TFIP11: variants seen among roughly 807,000 people sequenced by gnomAD.
TFIP11 encodes tuftelin-interacting protein 11.
A neutral mutation model predicts 96.8 loss-of-function variants in TFIP11; 86 were observed. That is an observed-to-expected ratio of 0.89 (90% CI 0.75 to 1.06). TFIP11 has a LOEUF of 1.06. Ranked by LOEUF, TFIP11 falls within the 50% of genes least tolerant of loss-of-function variation. The pLI, the probability that TFIP11 is intolerant of heterozygous loss-of-function variation, is 0.00. For synonymous variants in TFIP11, 405 were observed against 395.2 expected, an observed-to-expected ratio of 1.02 and a Z score of -0.29; for missense variants, 881 against 1,076.7, an observed-to-expected ratio of 0.82 and a Z score of 2.54.
Position 26,505,091 on chromosome 22 carries a change from G to GTTATTA in TFIP11, c.520+1206_520+1211dup, listed in dbSNP as rs371225004. 4.0e-3 allele frequency among the ~76,000 whole-genome samples: 609 copies of GTTATTA among 151,982 alleles called. 2 individuals carry two copies. The highest frequency in any genetic ancestry group is 6.9e-3 in the Admixed American group (106 of 15,264). ...AAATTCTGTCTCAAAAAATAATAAT[G>GTTATTA]TTATTATTATTATTTAGAGACTGGA... On this transcript the variant is annotated intron_variant, in intron 6 of 14. Transcript: ENST00000407690.
intron 6 of TFIP11, among the ~76,000 whole-genome samples, chr22:26,505,451 T>C: frequency 6.6e-6 from 1 of 152,168 alleles, no homozygotes; most frequent in East Asian, 1.9e-4. Context: ...TTCCACAAAA[T>C]TAAAACCCTT....
In TFIP11 at chr22:26,499,239, G is replaced by T. The variant is rs773337609; in HGVS notation, c.1194C>A (p.Asp398Glu). The T allele has an allele frequency of 7.4e-5, 120 of 1,613,858 alleles. No individual in the cohort carries two copies. The highest frequency in any genetic ancestry group is 1.0e-4 in the Non-Finnish European group (119 of 1,179,970). Residue 398 changes from aspartate to glutamate, a missense_variant, in exon 9 of 15, where the codon GAC becomes GAA. By Grantham distance (45) the Asp-to-Glu change is conservative (BLOSUM62 2). Coordinates refer to ENST00000407690, the MANE Select transcript of TFIP11 (RefSeq NM_012143.4). ...QPDCSNPLTL[D>E]ECARIFETLQ... ...GGGTTTCGAAGATGCGGGCACACTC[G>T]TCCAGGGTGAGGGGGTTGCTGCAGT...
rs1256862409 is a variant in TFIP11 at position 26,510,231 on chromosome 22, A to G, written c.42T>C (p.Ile14=). ...SHLYRDGEGR[I]DDDDDERENF... Reference sequence around the variant, plus strand: ...TCTCCCGCTCGTCATCATCATCATCAATGCGGCCTTCCCCATCCCGGTATA... The same window carrying G: ...TCTCCCGCTCGTCATCATCATCATCGATGCGGCCTTCCCCATCCCGGTATA... Residue 14 remains isoleucine (I), a synonymous_variant, in exon 4 of 15, where the codon ATT becomes ATC. Transcript: ENST00000407690. 1 of 1,613,976 alleles carries G rather than the reference A, an allele frequency of 6.2e-7. No individual in the cohort carries two copies. The highest frequency in any genetic ancestry group is 2.2e-5 in the East Asian group (1 of 44,890).
chr22:26,498,493 C>T (rs1207764364), intron 10 of TFIP11, among the ~76,000 whole-genome samples: 4 of 144,682 alleles, frequency 2.8e-5, no homozygotes, highest in East Asian at 2.1e-4. Context: ...CAGTGAGCTG[C>T]GATCACGCCA....
chr22:26,493,450 C>A (rs1921487390), intron 14 of TFIP11: 1 of 152,388 alleles, frequency 6.6e-6, no homozygotes. Flanking sequence ...AAAACACAGA[C>A]TAGACGATCC....
At chr22:26,494,707 G>T in intron 13 of TFIP11, 90 bp downstream of exon 13, 1 of 1,541,530 alleles carries the variant, frequency 6.5e-7, no homozygotes, top group South Asian at 1.2e-5. Flanking sequence ...TTTCATTATG[G>T]AATTGTACCT....
At chr22:26,511,828 G>A (rs1924100375) in intron 2 of TFIP11, 1 of 152,166 alleles carries the variant, frequency 6.6e-6, no homozygotes, top group Non-Finnish European at 1.5e-5. Context: ...ACCTCTTCCA[G>A]GAGTGTTTAG....
intron 7 of TFIP11, 67 bp downstream of exon 7, chr22:26,503,599 G>A (rs1391910613): frequency 6.3e-7 from 1 of 1,584,250 alleles, no homozygotes; most frequent in Non-Finnish European, 8.6e-7. Flanking sequence ...CAGAATGAAG[G>A]GATAAATGAA....
chr22:26,512,467 C>T lies in TFIP11; in HGVS notation c.-246G>A, dbSNP rs3213558. ...AAGACGCCGCTCCTACACCAGAACC[C>T]GGAAGCACCGTGGCCGGCGCGCCGG... On this transcript the variant is annotated 5_prime_UTR_variant, in exon 1 of 15. Transcript: ENST00000407690. The T allele has an allele frequency of 0.13, 19,233 of 152,358 alleles. 1,792 individuals carry two copies. The highest frequency in any genetic ancestry group is 0.34 in the South Asian group (1,647 of 4,826). The allele number at this position is 152,358 out of a possible 1,614,324, so 9.4% of individuals were successfully genotyped here. A position where few individuals can be genotyped will look rare whatever the true frequency, so the allele number is the denominator to read the frequency against.
At chr22:26,510,037 T>A (rs1366378564) in intron 4 of TFIP11, 27 bp downstream of exon 4, 1 of 1,610,302 alleles carries the variant, frequency 6.2e-7, no homozygotes, top group East Asian at 2.2e-5. Flanking sequence ...TAAAGCAAGG[T>A]GAAGCAGCCC....
chr22:26,498,926 T>G lies in TFIP11; in HGVS notation c.1379A>C (p.Glu460Ala), dbSNP rs1441511711. The G allele has an allele frequency of 6.2e-7, 1 of 1,613,824 alleles. No homozygotes were observed. Among genetic ancestry groups the G allele is most frequent in the South Asian group, 1.1e-5 (1 of 91,042 alleles). The change falls in exon 10 of 15, where the codon GAG becomes GCG. Residue 460 changes from glutamate to alanine, a missense_variant. Coordinates refer to ENST00000407690, the MANE Select transcript of TFIP11 (RefSeq NM_012143.4). Reference sequence around the variant, plus strand: ...GCCATGGGACAAGAGCTGGTCATTCTCTAGGAGGCTTTTCCACTTAGAGAT... The same window carrying G: ...GCCATGGGACAAGAGCTGGTCATTCGCTAGGAGGCTTTTCCACTTAGAGAT... Reference protein sequence around the residue: ...EIISKWKSLLENDQLLSHGGQ... With the variant: ...EIISKWKSLLANDQLLSHGGQ...
In TFIP11 at chr22:26,492,510, G is replaced by A. The variant is rs1921349156; in HGVS notation, c.2159-142C>T. 14 of 722,622 alleles carry A rather than the reference G, an allele frequency of 1.9e-5. No homozygotes were observed. In the South Asian group the frequency reaches 2.0e-4, roughly 10 times the overall value. The allele number at this position is 722,622 out of a possible 1,614,324, so 44.8% of individuals were successfully genotyped here. A position where few individuals can be genotyped will look rare whatever the true frequency, so the allele number is the denominator to read the frequency against. ...AGCTCTGCCTCAAAGATACAACTTT[G>A]GAGGAAGTTTAGACGACTGGCCAGT... On this transcript the variant is annotated intron_variant, in intron 14 of 14. Transcript: ENST00000407690.
Position 26,512,110 on chromosome 22 carries a change from C to T in TFIP11, c.-107G>A, listed in dbSNP as rs1182174839. 6.6e-6 allele frequency: 1 copy of T among 152,232 alleles called. No homozygotes were observed. The highest frequency in any genetic ancestry group is 2.4e-5 in the African/African-American group (1 of 41,460). The allele number at this position is 152,232 out of a possible 1,614,324, so 9.4% of individuals were successfully genotyped here. On this transcript the variant is annotated 5_prime_UTR_variant, in exon 2 of 15. It adds an upstream start codon to the 5' untranslated region. Coordinates refer to ENST00000407690, the MANE Select transcript of TFIP11 (RefSeq NM_012143.4). ...AGTTAGTAACTTACCCTAGGTTCCACTGCTCATAGGGCTCAAACTCAGGAG... is the reference window on the plus strand; with the variant it reads ...AGTTAGTAACTTACCCTAGGTTCCATTGCTCATAGGGCTCAAACTCAGGAG...
At chr22:26,499,077 G>C (rs1219834975) in intron 9 of TFIP11, 27 bp downstream of exon 9, 5 of 1,595,612 alleles carry the variant, frequency 3.1e-6, no homozygotes, top group Non-Finnish European at 4.3e-6. Flanking sequence ...GAGAGGCAGG[G>C]ATAGGTTGAT....
At chr22:26,507,993 C>T (rs134138) in intron 4 of TFIP11, among the ~76,000 whole-genome samples, 21,631 of 151,836 alleles carry the variant, frequency 0.14, 1,970 homozygotes, top group African/African-American at 0.26. Context: ...TGTAATCCCA[C>T]GCCACTCAGG....
chr22:26,491,446 T>A lies in TFIP11; in HGVS notation c.*567A>T. The A allele has an allele frequency of 6.3e-7, 1 of 1,598,330 alleles. No individual in the cohort carries two copies. The highest frequency in any genetic ancestry group is 8.5e-7 in the Non-Finnish European group (1 of 1,170,548). On this transcript the variant is annotated 3_prime_UTR_variant, in exon 15 of 15. Transcript: ENST00000407690. ...TGTGACTATCTGAAGTTTTTATACT[T>A]GAATTTTTCTGCTCAGATTTTAAAA...
At position 26,492,097 on chromosome 22, in the gene TFIP11, G is replaced by A; in HGVS notation, c.2430C>T (p.Tyr810=). ...GGACAAAGACCACTCCCCGGTCGAT[G>A]TAGATCACAATGCGGCCAAAGGTGT... is the stretch of plus-strand genomic sequence containing the variant. ...QLYTFGRIVI[Y]IDRGVVFVQG... The change falls in exon 15 of 15, where the codon TAC becomes TAT. Residue 810 remains tyrosine (Y), a synonymous_variant. Transcript: ENST00000407690. 2.5e-6 allele frequency: 4 copies of A among 1,614,036 alleles called. No individual in the cohort carries two copies. The highest frequency in any genetic ancestry group is 3.4e-6 in the Non-Finnish European group (4 of 1,179,962).
chr22:26,497,426 G>A (rs1170436807), intron 10 of TFIP11, among the ~76,000 whole-genome samples: 1 of 152,210 alleles, frequency 6.6e-6, no homozygotes, highest in Non-Finnish European at 1.5e-5. Context: ...CCTAGCACAA[G>A]CATGATACGC....
intron 8 of TFIP11, among the ~76,000 whole-genome samples, chr22:26,500,872 G>A (rs968729048): frequency 6.1e-5 from 9 of 148,326 alleles, no homozygotes; most frequent in East Asian, 2.0e-4. Context: ...GAAAAGTAAC[G>A]GAAAACTTTT....
Sources: allele counts gnomAD v4.1 joint callset (sites outside exome capture counted in the v4.1 genomes callset), GRCh38; gene constraint gnomAD v4.1.1; transcripts MANE v1.5; gene names NCBI Gene and HGNC (gene_info 2026-07-23, HGNC 2026-07-21).